The following TTC39B variants were observed in gnomAD, a reference collection of about 807,000 sequenced individuals.
TTC39B encodes the protein tetratricopeptide repeat protein 39B.
A neutral mutation model predicts 96.6 loss-of-function variants in TTC39B; 92 were observed. The ratio of observed to expected loss-of-function variants is 0.95; its 90% CI spans 0.80 to 1.13. The LOEUF is 1.13. Among genes scored for constraint, TTC39B ranks in the 50% most tolerant of loss-of-function variants. The pLI is 0.00. For synonymous variants in TTC39B, 367 were observed against 299.4 expected, an observed-to-expected ratio of 1.23 and a Z score of -2.33; for missense variants, 955 against 809.3, an observed-to-expected ratio of 1.18 and a Z score of -2.18.
intron 1 of TTC39B, among the ~76,000 whole-genome samples, chr9:15,296,655 C>T (rs1001201467): frequency 6.6e-6 from 1 of 152,150 alleles, no homozygotes; most frequent in African/African-American, 2.4e-5. Flanking sequence ...CCACCATGCC[C>T]AGCAAATTTT....
chr9:15,263,180 C>T (rs1823005265), intron 2 of TTC39B, among the ~76,000 whole-genome samples: 1 of 152,174 alleles, frequency 6.6e-6, no homozygotes. Context: ...CAGCAAATCT[C>T]TTCATATATA....
rs371367224 is a variant in TTC39B, at chr9:15,248,847, A to G, written c.275+19067T>C. Among the ~76,000 whole-genome samples the G allele has an allele frequency of 2.6e-4, 40 of 152,340 alleles. No homozygotes were observed. The South Asian group carries it at 7.9e-3, about 30-fold the overall frequency. Reference sequence around the variant, plus strand: ...TACCCTGCAGGAAGTCAACCAAAATACTGGCACCCAAAAAGCTCCTATAAT... The same window carrying G: ...TACCCTGCAGGAAGTCAACCAAAATGCTGGCACCCAAAAAGCTCCTATAAT... On this transcript the variant is annotated intron_variant, in intron 2 of 19. Coordinates refer to ENST00000512701, the Ensembl canonical transcript of TTC39B.
chr9:15,199,625 C>G (rs976966866), intron 8 of TTC39B, among the ~76,000 whole-genome samples: 1 of 149,128 alleles, frequency 6.7e-6, no homozygotes, highest in East Asian at 2.0e-4. Context: ...GTCCCAGCTA[C>G]TCGGGAGGAT....
intron 1 of TTC39B, among the ~76,000 whole-genome samples, chr9:15,299,900 G>A (rs1292894281): frequency 6.6e-6 from 1 of 152,148 alleles, no homozygotes; most frequent in Non-Finnish European, 1.5e-5. Flanking sequence ...AGACTTGAAG[G>A]GAAGGAAGTG....
exon 20 of TTC39B, chr9:15,167,853 A>C (rs1817557192): frequency 6.6e-6 from 1 of 152,216 alleles, no homozygotes; most frequent in African/African-American, 2.4e-5. Context: ...ATGTCTGTAA[A>C]ATCAAATTAA....
intron 2 of TTC39B, among the ~76,000 whole-genome samples, chr9:15,257,072 A>G (rs745874604): frequency 1.3e-5 from 2 of 152,176 alleles, no homozygotes; most frequent in Non-Finnish European, 2.9e-5. Context: ...TACTGGACGG[A>G]TATTATTATG....
chr9:15,266,897 G>T (rs1174362857), intron 2 of TTC39B, among the ~76,000 whole-genome samples: 1 of 152,100 alleles, frequency 6.6e-6, no homozygotes, highest in East Asian at 1.9e-4. Flanking sequence ...GGCTAACATG[G>T]TGAAACCCCG....
chr9:15,298,622 C>T (rs1220127128), intron 1 of TTC39B, among the ~76,000 whole-genome samples: 1 of 152,132 alleles, frequency 6.6e-6, no homozygotes, highest in Non-Finnish European at 1.5e-5. Flanking sequence ...GATTCAATTA[C>T]CTCCTACTGG....
chr9:15,261,743 C>A (rs1822954120), intron 2 of TTC39B, among the ~76,000 whole-genome samples: 1 of 152,184 alleles, frequency 6.6e-6, no homozygotes, highest in South Asian at 2.1e-4. Flanking sequence ...ACCCCCATCT[C>A]CCAACCAAAA....
chr9:15,189,775 C>T (rs756853041), exon 12 of TTC39B: 3 of 1,612,078 alleles, frequency 1.9e-6, no homozygotes, highest in Non-Finnish European at 2.5e-6. Flanking sequence ...GCTTCCGCAA[C>T]ATTCACTTCT....
At chr9:15,197,592 A>T (rs1038442859) in intron 8 of TTC39B, among the ~76,000 whole-genome samples, 1 of 152,228 alleles carries the variant, frequency 6.6e-6, no homozygotes, top group Non-Finnish European at 1.5e-5. Flanking sequence ...ATGAAGGGAA[A>T]AAAGTAGGAG....
intron 8 of TTC39B, among the ~76,000 whole-genome samples, chr9:15,193,297 T>C (rs1818966506): frequency 6.6e-6 from 1 of 152,216 alleles, no homozygotes. Flanking sequence ...CCTGTTCACA[T>C]CATCTTCAAA....
At chr9:15,213,808 A>C (rs1201697663) in intron 4 of TTC39B, among the ~76,000 whole-genome samples, 1 of 152,232 alleles carries the variant, frequency 6.6e-6, no homozygotes, top group Non-Finnish European at 1.5e-5. Context: ...TTTCAAAGGA[A>C]AATTTTCTCA....
chr9:15,307,082 A>C lies in TTC39B; in HGVS notation c.240+2T>G. Reference sequence around the variant, plus strand: ...GGGCCCGCAATCCCCATCGGATCGTACCTCGTCCGCTTCCAGCTCCGCTCG... The same window carrying C: ...GGGCCCGCAATCCCCATCGGATCGTCCCTCGTCCGCTTCCAGCTCCGCTCG... On this transcript the variant is annotated splice_donor_variant, in intron 1 of 19. Coordinates refer to ENST00000512701, the Ensembl canonical transcript of TTC39B. LOFTEE classifies it high-confidence loss of function. 1 of 1,609,216 alleles carries C rather than the reference A, an allele frequency of 6.2e-7. No homozygotes were observed. The highest frequency in any genetic ancestry group is 8.5e-7 in the Non-Finnish European group (1 of 1,178,000).
At chr9:15,177,869 CTTT>C (rs371656816) in intron 17 of TTC39B, 55 bp from the exon 18 acceptor site, 3,828 of 461,672 alleles carry the variant, frequency 8.3e-3, no homozygotes, top group East Asian at 0.011. Flanking sequence ...TTTTTAAGAT[CTTT>C]TTTTTTTTTT....
At chr9:15,196,903 A>G (rs138366010) in intron 8 of TTC39B, among the ~76,000 whole-genome samples, 44 of 152,358 alleles carry the variant, frequency 2.9e-4, no homozygotes, top group African/African-American at 7.9e-4. Flanking sequence ...AAAAATTGCC[A>G]TAGCCACCCC....
chr9:15,279,035 G>A (rs1437850639), intron 1 of TTC39B, among the ~76,000 whole-genome samples: 1 of 152,178 alleles, frequency 6.6e-6, no homozygotes, highest in African/African-American at 2.4e-5. Flanking sequence ...TTCCATCTGT[G>A]CAATGGGAAT....
intron 2 of TTC39B, among the ~76,000 whole-genome samples, chr9:15,228,102 C>T (rs1821225144): frequency 6.6e-6 from 1 of 151,870 alleles, no homozygotes; most frequent in Non-Finnish European, 1.5e-5. Flanking sequence ...TTTGACATGC[C>T]ATATATAACA....
chr9:15,286,388 C>T (rs4237138), intron 1 of TTC39B, among the ~76,000 whole-genome samples: 135,888 of 152,262 alleles, frequency 0.89, 60,717 homozygotes, highest in East Asian at 0.98. Context: ...TCATTTAAAG[C>T]TTCTCTGATG....
Sources: allele counts gnomAD v4.1 joint callset (sites outside exome capture counted in the v4.1 genomes callset), GRCh38; gene constraint gnomAD v4.1.1; transcripts MANE v1.5; gene names NCBI Gene and HGNC (gene_info 2026-07-23, HGNC 2026-07-21).